Variants in NBAS observed in about 807,000 individuals in gnomAD.
NBAS encodes the protein NBAS subunit of NRZ tethering complex.
Under a neutral mutation model 302.5 loss-of-function variants are expected in NBAS, and 219 were observed. The observed-to-expected ratio is 0.72, with a 90% confidence interval of 0.65 to 0.81. The LOEUF (loss-of-function observed/expected upper bound fraction) is 0.81. Among genes scored for constraint, NBAS ranks in the 30% least tolerant of loss-of-function variants. NBAS has a pLI of 0.00. For missense variants in NBAS, 2,932 were observed against 2,841.6 expected, an observed-to-expected ratio of 1.03 and a Z score of -0.72; for synonymous variants, 1,118 against 1,021.6, an observed-to-expected ratio of 1.09 and a Z score of -1.80.
the NBAS span, among the ~76,000 whole-genome samples, chr2:14,851,564 T>C: frequency 7.7e-6 from 1 of 130,082 alleles, no homozygotes; most frequent in Non-Finnish European, 1.6e-5. Context: ...GAGGGAATCC[T>C]CCCTAACTCA....
chr2:15,336,201 C>A (rs73914821), intron 35 of NBAS, among the ~76,000 whole-genome samples: 4 of 152,014 alleles, frequency 2.6e-5, no homozygotes, highest in African/African-American at 9.7e-5. Flanking sequence ...GACAGTATCA[C>A]ACTTCTACCC....
At chr2:15,493,745 A>T (rs1680958891) in intron 11 of NBAS, among the ~76,000 whole-genome samples, 1 of 152,004 alleles carries the variant, frequency 6.6e-6, no homozygotes, top group Non-Finnish European at 1.5e-5. Context: ...TTCTCAGCAC[A>T]AGTAAATAAT....
At chr2:14,805,581 G>A in the NBAS span, among the ~76,000 whole-genome samples, 1 of 152,130 alleles carries the variant, frequency 6.6e-6, no homozygotes, top group Non-Finnish European at 1.5e-5. Context: ...ACTTGATGAG[G>A]AGCAATCCTG....
the NBAS span, among the ~76,000 whole-genome samples, chr2:15,113,404 A>G: frequency 1.3e-5 from 2 of 150,242 alleles, no homozygotes; most frequent in African/African-American, 4.9e-5. Context: ...AACAATGCCA[A>G]TCTATTGTTT....
chr2:14,915,469 T>G, the NBAS span, among the ~76,000 whole-genome samples: 28 of 152,318 alleles, frequency 1.8e-4, no homozygotes, highest in Admixed American at 1.0e-3. Flanking sequence ...TCTCGCTTGT[T>G]GTGGGAGGGA....
At chr2:15,330,390 A>G (rs1424816282) in intron 36 of NBAS, among the ~76,000 whole-genome samples, 1 of 152,160 alleles carries the variant, frequency 6.6e-6, no homozygotes, top group Non-Finnish European at 1.5e-5. Flanking sequence ...CTAAATCTCT[A>G]TTACTGTCCT....
At chr2:15,085,451 C>A in the NBAS span, among the ~76,000 whole-genome samples, 1 of 152,126 alleles carries the variant, frequency 6.6e-6, no homozygotes, top group Non-Finnish European at 1.5e-5. Flanking sequence ...CCAGGGCCAC[C>A]TCTCAGTGCT....
At chr2:15,362,865 A>T (rs1674005826) in intron 32 of NBAS, among the ~76,000 whole-genome samples, 1 of 152,168 alleles carries the variant, frequency 6.6e-6, no homozygotes, top group African/African-American at 2.4e-5. Flanking sequence ...ATCCTAGATA[A>T]TCCTGGTGGG....
chr2:15,280,504 C>A (rs116080446), intron 42 of NBAS, among the ~76,000 whole-genome samples: 98 of 152,228 alleles, frequency 6.4e-4, no homozygotes, highest in African/African-American at 2.3e-3. Context: ...CTCATAATAA[C>A]CCTCTGCAAA....
chr2:15,108,101 G>A, the NBAS span, among the ~76,000 whole-genome samples: 2 of 152,038 alleles, frequency 1.3e-5, no homozygotes, highest in African/African-American at 4.8e-5. Flanking sequence ...TGCACTTTGG[G>A]ATTACTTCCA....
the NBAS span, among the ~76,000 whole-genome samples, chr2:14,788,560 G>T: frequency 5.3e-5 from 8 of 152,120 alleles, no homozygotes; most frequent in Admixed American, 2.6e-4. Context: ...TCAGCTGCAG[G>T]TCTGTTGGAG....
At chr2:15,251,248 G>A (rs2147986601) in intron 44 of NBAS, among the ~76,000 whole-genome samples, 1 of 152,284 alleles carries the variant, frequency 6.6e-6, no homozygotes, top group Admixed American at 6.5e-5. Context: ...ATAAGTGGGA[G>A]CTGAACAATG....
the NBAS span, among the ~76,000 whole-genome samples, chr2:14,969,853 G>GA: frequency 6.6e-6 from 1 of 152,056 alleles, no homozygotes; most frequent in African/African-American, 2.4e-5. Context: ...GTGGTGGGGG[G>GA]GATGGGAAGT....
the NBAS span, among the ~76,000 whole-genome samples, chr2:14,992,787 T>C: frequency 6.6e-6 from 1 of 151,816 alleles, no homozygotes; most frequent in South Asian, 2.1e-4. Flanking sequence ...CAACAAACAC[T>C]CTCCTCCACC....
At position 15,511,221 on chromosome 2, in the gene NBAS, C is replaced by A; in HGVS notation, c.876G>T (p.Gly292=). 6.2e-7 allele frequency: 1 copy of A among 1,613,992 alleles called. No individual in the cohort carries two copies. Among genetic ancestry groups the A allele is most frequent in the Non-Finnish European group, 8.5e-7 (1 of 1,179,980 alleles). ...CATAACTCATACTTACTGCAGTAAC[C>A]CCGTCTCCACCATTAGTAACCTGCT... ...YYKQVTNGGD[G]VTAVPKTLGL... is the part of the protein sequence containing the mutation. The change falls in exon 10 of 52, where the codon GGG becomes GGT. Residue 292 remains glycine, a synonymous_variant. Coordinates refer to ENST00000281513, the MANE Select transcript of NBAS (RefSeq NM_015909.4).
intron 5 of NBAS, among the ~76,000 whole-genome samples, chr2:15,552,387 C>T (rs532111261): frequency 2.9e-4 from 44 of 152,278 alleles, no homozygotes; most frequent in Non-Finnish European, 5.3e-4. Flanking sequence ...TTTTCTTCTA[C>T]CTCTACCACT....
intron 48 of NBAS, among the ~76,000 whole-genome samples, chr2:15,211,407 T>C (rs1251209037): frequency 6.6e-6 from 1 of 152,218 alleles, no homozygotes; most frequent in East Asian, 1.9e-4. Context: ...AGCTTTGTTA[T>C]CTTAGATGTT....
At chr2:15,302,398 G>A (rs951386719) in intron 40 of NBAS, among the ~76,000 whole-genome samples, 42 of 152,138 alleles carry the variant, frequency 2.8e-4, no homozygotes, top group African/African-American at 9.9e-4. Context: ...TTAGAAATCC[G>A]GTGTTCAGGC....
chr2:15,403,356 A>C (rs1676243392), intron 25 of NBAS, among the ~76,000 whole-genome samples: 1 of 152,172 alleles, frequency 6.6e-6, no homozygotes, highest in South Asian at 2.1e-4. Flanking sequence ...CATTTCTTCA[A>C]GGTAGAGTTG....
Sources: allele counts gnomAD v4.1 joint callset (sites outside exome capture counted in the v4.1 genomes callset), GRCh38; gene constraint gnomAD v4.1.1; transcripts MANE v1.5; gene names NCBI Gene and HGNC (gene_info 2026-07-23, HGNC 2026-07-21).